C13orf42: variants seen among roughly 807,000 people sequenced by gnomAD.
The protein encoded by C13orf42 is uncharacterized protein C13orf42.
At position 51,088,048 on chromosome 13, in the gene C13orf42, A is replaced by T; in HGVS notation, c.442T>A (p.Phe148Ile). Residue 148 changes from phenylalanine to isoleucine, a missense_variant, in exon 2 of 4, where the codon TTC (phenylalanine) becomes ATC (isoleucine). By Grantham distance (21) the Phe-to-Ile change is conservative (BLOSUM62 0). Transcript: ENST00000563710. ...KKATPKKYSQ[F>I]SADVAEAIAF... ...ATGGCCTCGGCCACATCAGCACTGAACTGCGAGTATTTCTTTGGGGTTGCT... is the reference window on the plus strand; with the variant it reads ...ATGGCCTCGGCCACATCAGCACTGATCTGCGAGTATTTCTTTGGGGTTGCT... 2 of 398,840 alleles carry T rather than the reference A, an allele frequency of 5.0e-6. No homozygotes were observed. Among genetic ancestry groups the T allele is most frequent in the Non-Finnish European group, 8.8e-6 (2 of 226,172 alleles). The allele number at this position is 398,840 out of a possible 1,614,324, so 24.7% of individuals were successfully genotyped here. A position where few individuals can be genotyped will look rare whatever the true frequency, so the allele number is the denominator to read the frequency against.
chr13:51,123,922 G>A (rs76710160), intron 1 of C13orf42, among the ~76,000 whole-genome samples: 3,829 of 152,136 alleles, frequency 0.025, 142 homozygotes, highest in African/African-American at 0.087. Flanking sequence ...AACTGTCCCC[G>A]TAAAACAAAT....
chr13:51,095,598 T>C (rs893485074), intron 1 of C13orf42, among the ~76,000 whole-genome samples: 3 of 152,098 alleles, frequency 2.0e-5, no homozygotes, highest in African/African-American at 7.2e-5. Context: ...GGACCCATCT[T>C]CAAGTCTGCT....
intron 1 of C13orf42, among the ~76,000 whole-genome samples, chr13:51,097,574 C>T (rs545515412): frequency 6.6e-6 from 1 of 152,266 alleles, no homozygotes. Context: ...CTATGACATT[C>T]CCGCAGAGAT....
intron 1 of C13orf42, among the ~76,000 whole-genome samples, chr13:51,160,749 G>A (rs1242546324): frequency 6.6e-6 from 1 of 151,908 alleles, no homozygotes; most frequent in African/African-American, 2.4e-5. Context: ...TAGCAAACTA[G>A]AAATATAAAG....
chr13:51,100,226 T>C (rs1953274928), intron 1 of C13orf42, among the ~76,000 whole-genome samples: 1 of 151,788 alleles, frequency 6.6e-6, no homozygotes, highest in Non-Finnish European at 1.5e-5. Flanking sequence ...AAATATGCAA[T>C]TGACCTTGGA....
Position 51,170,538 on chromosome 13 carries a change from G to A in C13orf42, n.136+1715C>T, listed in dbSNP as rs924301636. 2.3e-4 allele frequency among the ~76,000 whole-genome samples: 35 copies of A among 152,026 alleles called. No individual in the cohort carries two copies. The East Asian group carries it at 6.2e-3, about 27-fold the overall frequency. ...ACCTCTTTCTCCTTTCAATCTTGGCGCCACACTTCAATCTCTCCCTTCTCT... is the reference window on the plus strand; with the variant it reads ...ACCTCTTTCTCCTTTCAATCTTGGCACCACACTTCAATCTCTCCCTTCTCT... On this transcript the variant is annotated intron_variant and non_coding_transcript_variant, in intron 1 of 4. Transcript: ENST00000433280.
intron 1 of C13orf42, among the ~76,000 whole-genome samples, chr13:51,143,713 C>T (rs547592242): frequency 6.6e-6 from 1 of 152,122 alleles, no homozygotes; most frequent in South Asian, 2.1e-4. Flanking sequence ...TATATTTGAC[C>T]AACTTTCCAA....
chr13:51,131,180 A>T (rs1227787011), intron 1 of C13orf42, among the ~76,000 whole-genome samples: 2 of 152,204 alleles, frequency 1.3e-5, no homozygotes, highest in East Asian at 3.8e-4. Flanking sequence ...TAAGTAAATT[A>T]TACTCCTGTG....
Position 51,101,785 on chromosome 13 carries a change from C to T in C13orf42, c.414+9011G>A, listed in dbSNP as rs142884976. 3.9e-3 allele frequency among the ~76,000 whole-genome samples: 589 copies of T among 152,262 alleles called. 3 individuals are homozygous for T. Among genetic ancestry groups the T allele is most frequent in the African/African-American group, 0.013 (531 of 41,538 alleles). On this transcript the variant is annotated intron_variant, in intron 1 of 3. Coordinates refer to ENST00000563710, the MANE Select transcript of C13orf42 (RefSeq NM_001351589.3). ...GCTGAGTGCTAAAACAAGGCTCAGA[C>T]GCAGGGAGGAGGGAAATCCACTGTG... is the stretch of plus-strand genomic sequence containing the variant.
At chr13:51,164,652 C>A (rs532483953) in intron 1 of C13orf42, among the ~76,000 whole-genome samples, 1 of 152,104 alleles carries the variant, frequency 6.6e-6, no homozygotes, top group African/African-American at 2.4e-5. Context: ...AATGCAAGAC[C>A]CTGTCTCTAA....
At chr13:51,089,090 T>A (rs1566122712) in intron 1 of C13orf42, among the ~76,000 whole-genome samples, 1 of 152,186 alleles carries the variant, frequency 6.6e-6, no homozygotes, top group Non-Finnish European at 1.5e-5. Flanking sequence ...TGATTCAATG[T>A]AGAGTTATTT....
At chr13:51,166,440 T>G (rs1953902372) in intron 1 of C13orf42, among the ~76,000 whole-genome samples, 1 of 70,102 alleles carries the variant, frequency 1.4e-5, no homozygotes, top group Non-Finnish European at 2.6e-5. Context: ...GTGGGGACTG[T>G]GGTGGGGTGG....
intron 1 of C13orf42, among the ~76,000 whole-genome samples, chr13:51,097,988 G>C (rs1192022482): frequency 1.3e-5 from 2 of 152,136 alleles, no homozygotes; most frequent in Non-Finnish European, 2.9e-5. Context: ...ATCATTTTCC[G>C]AGTCTTCCCT....
At chr13:51,160,959 A>G (rs1344979703) in intron 1 of C13orf42, among the ~76,000 whole-genome samples, 1 of 132,410 alleles carries the variant, frequency 7.6e-6, no homozygotes, top group Non-Finnish European at 1.7e-5. Context: ...AAGATTGGAA[A>G]CAAGAAAAAA....
chr13:51,171,337 G>A (rs1001569456), intron 1 of C13orf42, among the ~76,000 whole-genome samples: 6 of 152,076 alleles, frequency 3.9e-5, no homozygotes, highest in Admixed American at 1.3e-4. Flanking sequence ...AATTCTTGTC[G>A]TAAAATAGGC....
At position 51,084,170 on chromosome 13, in the gene C13orf42, CAA is replaced by C. The variant is rs1225349048; in HGVS notation, c.957_958del (p.Trp320GlyfsTer81). Reference sequence around the variant, plus strand: ...ATGGAGTCAGGGCACCGTCCGCTCCCAAAGTCTTTCTCGAAGCAGCCACTGTC... The same window carrying C: ...ATGGAGTCAGGGCACCGTCCGCTCCCAGTCTTTCTCGAAGCAGCCACTGTC... On this transcript the variant is annotated frameshift_variant, in exon 4 of 4. Coordinates refer to ENST00000563710, the MANE Select transcript of C13orf42 (RefSeq NM_001351589.3). LOFTEE classifies it high-confidence loss of function. 2.5e-6 allele frequency: 1 copy of C among 398,592 alleles called. No homozygotes were observed. The highest frequency in any genetic ancestry group is 4.4e-6 in the Non-Finnish European group (1 of 226,122). 24.7% of individuals were successfully genotyped at this position (398,592 alleles called of 1,614,324 possible).
chr13:51,143,320 C>A (rs4942957), intron 1 of C13orf42, among the ~76,000 whole-genome samples: 74,828 of 151,998 alleles, frequency 0.49, 18,546 homozygotes, highest in African/African-American at 0.54. Flanking sequence ...TGTAAGGGCC[C>A]ATTTTGAAAG....
chr13:51,111,325 C>T, upstream of C13orf42: 1 of 397,284 alleles, frequency 2.5e-6, no homozygotes, highest in Non-Finnish European at 4.4e-6. Flanking sequence ...TCCAGGAGGC[C>T]TCTGATCTCT....
chr13:51,166,669 G>C (rs988010576), intron 1 of C13orf42, among the ~76,000 whole-genome samples: 1 of 151,192 alleles, frequency 6.6e-6, no homozygotes, highest in East Asian at 1.9e-4. Context: ...TTTTGACTTT[G>C]AAATAGCATA....
Sources: allele counts gnomAD v4.1 joint callset (sites outside exome capture counted in the v4.1 genomes callset), GRCh38; gene constraint gnomAD v4.1.1; transcripts MANE v1.5; gene names NCBI Gene and HGNC (gene_info 2026-07-23, HGNC 2026-07-21).